The following NRXN1 variants were observed in gnomAD, a reference collection of about 807,000 sequenced individuals.
The protein encoded by NRXN1 is neurexin-1.
In NRXN1, 39 loss-of-function variants were observed where a neutral mutation model predicts 150.9. That is an observed-to-expected ratio of 0.26 (90% CI 0.20 to 0.34). NRXN1 has a LOEUF of 0.34. NRXN1 is among the 10% of genes least tolerant of loss of function. The pLI, the probability that NRXN1 is intolerant of heterozygous loss-of-function variation, is 1.00. For missense variants in NRXN1, 1,815 were observed against 1,949.9 expected (o/e 0.93, Z 1.30); for synonymous variants, 924 against 757.0 (o/e 1.22, Z -3.62).
intron 18 of NRXN1, among the ~76,000 whole-genome samples, chr2:50,134,080 C>T (rs915304238): frequency 6.6e-6 from 1 of 152,030 alleles, no homozygotes; most frequent in Non-Finnish European, 1.5e-5. Context: ...GGAAGATGAG[C>T]CCCTGGATAT....
chr2:50,588,253 T>C (rs1178736630), intron 8 of NRXN1, among the ~76,000 whole-genome samples: 1 of 152,212 alleles, frequency 6.6e-6, no homozygotes, highest in African/African-American at 2.4e-5. Flanking sequence ...TTTTTTAACA[T>C]GCTCCTGATG....
chr2:50,472,845 G>A (rs1404398262), intron 15 of NRXN1, among the ~76,000 whole-genome samples: 2 of 137,988 alleles, frequency 1.4e-5, no homozygotes, highest in East Asian at 2.3e-4. Context: ...ATATATATAA[G>A]TTTCTCTGAT....
At position 50,374,094 on chromosome 2, in the gene NRXN1, T is replaced by C. The variant is rs530762212; in HGVS notation, c.3364+91348A>G. Among the ~76,000 whole-genome samples the C allele has an allele frequency of 8.9e-4, 135 of 151,534 alleles. 1 individual carries two copies. Among genetic ancestry groups the C allele is most frequent in the African/African-American group, 2.8e-3 (115 of 41,326 alleles). ...GGGGAGGATCACTTCATCTCAGGAC[T>C]AGCCTGGGCAATATAGCAAGACCTC... On this transcript the variant is annotated intron_variant, in intron 17 of 22. Transcript: ENST00000401669.
At chr2:50,135,822 G>A (rs772359120) in intron 18 of NRXN1, among the ~76,000 whole-genome samples, 9 of 152,132 alleles carry the variant, frequency 5.9e-5, no homozygotes, top group East Asian at 1.9e-4. Context: ...AGAAGGATTC[G>A]CTAATTGGTT....
intron 21 of NRXN1, among the ~76,000 whole-genome samples, chr2:49,968,633 C>T (rs896130784): frequency 2.6e-5 from 4 of 152,018 alleles, no homozygotes; most frequent in African/African-American, 7.2e-5. Context: ...CCTTTTATTT[C>T]GTGACTGGAT....
intron 21 of NRXN1, among the ~76,000 whole-genome samples, chr2:49,986,150 C>G (rs1352295613): frequency 2.6e-5 from 4 of 152,190 alleles, no homozygotes; most frequent in Non-Finnish European, 5.9e-5. Flanking sequence ...TCAGATGCCA[C>G]AGGGCACATA....
At chr2:50,104,934 C>G (rs1040911934) in intron 18 of NRXN1, among the ~76,000 whole-genome samples, 1 of 152,012 alleles carries the variant, frequency 6.6e-6, no homozygotes, top group Non-Finnish European at 1.5e-5. Context: ...TCCTTTAATT[C>G]TCACAATAAC....
intron 12 of NRXN1, among the ~76,000 whole-genome samples, chr2:50,513,812 A>AAAAAAC (rs1558862783): frequency 6.6e-6 from 1 of 152,188 alleles, no homozygotes. Context: ...GAAACTTGAA[A>AAAAAAC]AAAAACAAAA....
intron 18 of NRXN1, among the ~76,000 whole-genome samples, chr2:50,132,064 C>T (rs1705589025): frequency 1.3e-5 from 2 of 152,160 alleles, no homozygotes; most frequent in East Asian, 3.9e-4. Context: ...CTTCCAGGTG[C>T]CATGTGCTGT....
intron 18 of NRXN1, among the ~76,000 whole-genome samples, chr2:50,225,127 G>C (rs1004106014): frequency 3.3e-5 from 5 of 151,948 alleles, no homozygotes; most frequent in Non-Finnish European, 7.4e-5. Context: ...TAAATGGGAA[G>C]TCCCAGGAGA....
At chr2:50,173,426 T>G (rs78327515) in intron 18 of NRXN1, among the ~76,000 whole-genome samples, 3,042 of 152,288 alleles carry the variant, frequency 0.02, 97 homozygotes, top group African/African-American at 0.07. Context: ...GTGATTAAAC[T>G]GATGACATAC....
At chr2:50,322,595 T>C (rs1011751608) in intron 17 of NRXN1, among the ~76,000 whole-genome samples, 4 of 152,194 alleles carry the variant, frequency 2.6e-5, no homozygotes, top group African/African-American at 9.6e-5. Flanking sequence ...CTAATGAGGA[T>C]GAGTAGAGAC....
intron 17 of NRXN1, among the ~76,000 whole-genome samples, chr2:50,334,978 A>G (rs2077086585): frequency 6.6e-6 from 1 of 152,102 alleles, no homozygotes; most frequent in Non-Finnish European, 1.5e-5. Flanking sequence ...CTTTCTTCAG[A>G]CTCCGGGAGA....
At chr2:49,928,463 T>C (rs1669511290) in intron 22 of NRXN1, among the ~76,000 whole-genome samples, 1 of 152,118 alleles carries the variant, frequency 6.6e-6, no homozygotes, top group Non-Finnish European at 1.5e-5. Flanking sequence ...GTGGAAGTTA[T>C]TATAATTCTA....
At chr2:50,454,421 A>T (rs993820106) in intron 17 of NRXN1, among the ~76,000 whole-genome samples, 3 of 152,156 alleles carry the variant, frequency 2.0e-5, no homozygotes, top group Non-Finnish European at 4.4e-5. Context: ...AATGTTTGCT[A>T]AATCCATCAT....
At chr2:50,875,498 C>A (rs1030065670) in intron 5 of NRXN1, among the ~76,000 whole-genome samples, 1 of 151,452 alleles carries the variant, frequency 6.6e-6, no homozygotes, top group African/African-American at 2.4e-5. Context: ...AATCTTTATC[C>A]TAAAATCCAG....
intron 19 of NRXN1, among the ~76,000 whole-genome samples, chr2:50,084,510 C>T (rs1330276777): frequency 2.0e-5 from 3 of 152,148 alleles, no homozygotes; most frequent in African/African-American, 7.2e-5. Context: ...AAGTGCAGGG[C>T]CCACCAAGCC....
At chr2:50,042,266 T>C (rs1691100809) in intron 21 of NRXN1, among the ~76,000 whole-genome samples, 1 of 152,160 alleles carries the variant, frequency 6.6e-6, no homozygotes, top group Admixed American at 6.5e-5. Flanking sequence ...GTAGTTCCCA[T>C]AATCCCCATG....
chr2:50,742,533 G>A (rs960007126), intron 5 of NRXN1, among the ~76,000 whole-genome samples: 10 of 150,836 alleles, frequency 6.6e-5, no homozygotes, highest in Admixed American at 2.6e-4. Flanking sequence ...GTTTGAGCCC[G>A]GGAGGCGGAG....
Sources: allele counts gnomAD v4.1 joint callset (sites outside exome capture counted in the v4.1 genomes callset), GRCh38; gene constraint gnomAD v4.1.1; transcripts MANE v1.5; gene names NCBI Gene and HGNC (gene_info 2026-07-23, HGNC 2026-07-21).